BRIP1: variants seen among roughly 807,000 people sequenced by gnomAD.
BRIP1 encodes BRCA1 interacting DNA helicase 1, also known as Fanconi anemia group J protein.
A neutral mutation model predicts 119.7 loss-of-function variants in BRIP1; 88 were observed. The ratio of observed to expected loss-of-function variants is 0.74; its 90% CI spans 0.62 to 0.88. The LOEUF (loss-of-function observed/expected upper bound fraction) is 0.88, where lower values mean the gene tolerates loss of function less well. Among genes scored for constraint, BRIP1 ranks in the 40% least tolerant of loss-of-function variants. BRIP1 has a pLI of 0.00. For synonymous variants in BRIP1, 443 were observed against 496.5 expected, an observed-to-expected ratio of 0.89 and a Z score of 1.43; for missense variants, 1,259 against 1,455.4, an observed-to-expected ratio of 0.87 and a Z score of 2.20.
At position 61,846,915 on chromosome 17, in the gene BRIP1, C is replaced by G. The variant is rs368905917; in HGVS notation, c.627+186G>C. Among the ~76,000 whole-genome samples, 2 of 152,072 alleles carry G rather than the reference C, an allele frequency of 1.3e-5. No individual in the cohort carries two copies. Among genetic ancestry groups the G allele is most frequent in the Non-Finnish European group, 2.9e-5 (2 of 68,008 alleles). On this transcript the variant is annotated intron_variant, in intron 6 of 19. Transcript: ENST00000259008. The surrounding 1 kb of genome is among the most constrained non-coding windows in gnomAD (Gnocchi z 4.3). Reference sequence around the variant, plus strand: ...TTCTCTTATTTTATAAATAAGGAAACGAGGCATAGAGAGAATAGGCTTTGC... The same window carrying G: ...TTCTCTTATTTTATAAATAAGGAAAGGAGGCATAGAGAGAATAGGCTTTGC...
Position 61,810,828 on chromosome 17 carries a change from A to G in BRIP1, c.628-2071T>C, listed in dbSNP as rs2078150385. Among the ~76,000 whole-genome samples the G allele has an allele frequency of 6.6e-6, 1 of 152,166 alleles. No individual in the cohort carries two copies. The highest frequency in any genetic ancestry group is 2.1e-4 in the South Asian group (1 of 4,826). ...ATAACTTACTGACCTTCATATATAC[A>G]TATCTTTCATATCTTTTTTTCAAAT... is the stretch of plus-strand genomic sequence containing the variant. On this transcript the variant is annotated intron_variant, in intron 6 of 19. Coordinates refer to ENST00000259008, the MANE Select transcript of BRIP1 (RefSeq NM_032043.3). The surrounding 1 kb of genome is among the most constrained non-coding windows in gnomAD (Gnocchi z 4.7).
Position 61,776,687 on chromosome 17 carries a change from G to C in BRIP1, c.1936-125C>G, listed in dbSNP as rs1371945125. The C allele has an allele frequency of 1.9e-6, 2 of 1,052,836 alleles. No individual in the cohort carries two copies. The highest frequency in any genetic ancestry group is 2.9e-6 in the Non-Finnish European group (2 of 696,996). 65.2% of individuals were successfully genotyped at this position (1,052,836 alleles called of 1,614,324 possible). Reference sequence around the variant, plus strand: ...TAACAATTTATTTTTAAATTGTCAGGGGGTTTTCTATTACCTTCAATTAAC... The same window carrying C: ...TAACAATTTATTTTTAAATTGTCAGCGGGTTTTCTATTACCTTCAATTAAC... On this transcript the variant is annotated intron_variant, in intron 13 of 19. Coordinates refer to ENST00000259008, the MANE Select transcript of BRIP1 (RefSeq NM_032043.3). The surrounding 1 kb of genome is among the most constrained non-coding windows in gnomAD (Gnocchi z 5.0).
intron 6 of BRIP1, among the ~76,000 whole-genome samples, chr17:61,813,287 T>C (rs1273166784): frequency 6.6e-6 from 1 of 152,066 alleles, no homozygotes; most frequent in Admixed American, 6.6e-5. Context: ...CTTGTGTTCT[T>C]CCATAACTTT....
At chr17:61,698,986 G>A (rs1184030911) in intron 17 of BRIP1, among the ~76,000 whole-genome samples, 2 of 151,988 alleles carry the variant, frequency 1.3e-5, no homozygotes, top group African/African-American at 4.8e-5. Flanking sequence ...CAAAGTGCTG[G>A]GATTGCAGGC....
chr17:61,781,845 C>T (rs1009788774), intron 11 of BRIP1, among the ~76,000 whole-genome samples: 8 of 150,544 alleles, frequency 5.3e-5, no homozygotes, highest in African/African-American at 2.0e-4. Flanking sequence ...CACTTGAACC[C>T]GGGAGGTGGA....
chr17:61,714,969 G>C (rs1006059231), intron 17 of BRIP1, among the ~76,000 whole-genome samples: 2 of 151,750 alleles, frequency 1.3e-5, no homozygotes, highest in South Asian at 2.1e-4. Context: ...GGAAGCTGAC[G>C]TGAGTGGATC....
intron 14 of BRIP1, among the ~76,000 whole-genome samples, chr17:61,749,376 G>A (rs2077102701): frequency 6.6e-6 from 1 of 151,670 alleles, no homozygotes; most frequent in Non-Finnish European, 1.5e-5. Context: ...TCTGATAAGG[G>A]GTTAATATCC....
intron 14 of BRIP1, among the ~76,000 whole-genome samples, chr17:61,772,630 C>T (rs2077473063): frequency 6.6e-6 from 1 of 151,882 alleles, no homozygotes; most frequent in South Asian, 2.1e-4. Flanking sequence ...ACCAGCCTGA[C>T]CAACCTGGAG....
In BRIP1 at chr17:61,758,904, C is replaced by T. The variant is rs2077235741; in HGVS notation, c.2098-14313G>A. On this transcript the variant is annotated intron_variant, in intron 14 of 19. Transcript: ENST00000259008. This position sits in a 1 kb window ranked among gnomAD's most constrained non-coding sequence, Gnocchi z 5.3. ...GCACATGCCTGTAGTACCAGCTACT[C>T]AGGAGGCTGAGGTTGATCCCTTCAA... 6.6e-6 allele frequency among the ~76,000 whole-genome samples: 1 copy of T among 151,598 alleles called. No homozygotes were observed. Among genetic ancestry groups the T allele is most frequent in the African/African-American group, 2.4e-5 (1 of 41,226 alleles).
At chr17:61,784,576 G>T in intron 10 of BRIP1, 152 bp from the exon 11 acceptor site, 3 of 767,290 alleles carry the variant, frequency 3.9e-6, no homozygotes, top group Non-Finnish European at 6.4e-6. Flanking sequence ...CTCCAAATCT[G>T]ATATTGAAAT....
intron 17 of BRIP1, among the ~76,000 whole-genome samples, chr17:61,707,031 A>T (rs904053323): frequency 2.3e-4 from 34 of 148,726 alleles, no homozygotes; most frequent in African/African-American, 6.2e-4. Flanking sequence ...TCCTTTTTAA[A>T]TTTTTTTTTT....
In BRIP1 at chr17:61,770,624, G is replaced by A. The variant is rs1463287461; in HGVS notation, c.2097+5777C>T. 2.6e-5 allele frequency among the ~76,000 whole-genome samples: 4 copies of A among 151,484 alleles called. No individual in the cohort carries two copies. The highest frequency in any genetic ancestry group is 1.3e-4 in the Admixed American group (2 of 15,204). ...TTATAATAATGACACAAAGAAGGTA[G>A]GATTAAAAAAACAGCTACATAGGAT... On this transcript the variant is annotated intron_variant, in intron 14 of 19. Transcript: ENST00000259008. This position sits in a 1 kb window ranked among gnomAD's most constrained non-coding sequence, Gnocchi z 4.7.
chr17:61,728,450 C>T (rs1445717265), intron 16 of BRIP1, among the ~76,000 whole-genome samples: 1 of 152,118 alleles, frequency 6.6e-6, no homozygotes, highest in Non-Finnish European at 1.5e-5. Flanking sequence ...ATTCCAAGCC[C>T]CAATATATGA....
At position 61,743,493 on chromosome 17, in the gene BRIP1, TCTCA is replaced by T. The variant is rs1250218003; in HGVS notation, c.2258-363_2258-360del. Among the ~76,000 whole-genome samples the T allele has an allele frequency of 6.6e-6, 1 of 152,100 alleles. No individual in the cohort carries two copies. The highest frequency in any genetic ancestry group is 1.5e-5 in the Non-Finnish European group (1 of 68,012). The stretch of plus-strand genomic sequence containing the variant: ...TACCTTTACCACCTGAAAGTAAAAT[TCTCA>T]GAATAATTGAAATAATTGTAATTGA... On this transcript the variant is annotated intron_variant, in intron 15 of 19. Transcript: ENST00000259008. The surrounding 1 kb of genome is among the most constrained non-coding windows in gnomAD (Gnocchi z 4.3).
chr17:61,854,505 C>T (rs2145806317), intron 4 of BRIP1, among the ~76,000 whole-genome samples: 1 of 152,050 alleles, frequency 6.6e-6, no homozygotes, highest in South Asian at 2.1e-4. Context: ...TCAGGAGCTA[C>T]AGAGCAGCCT....
chr17:61,686,062 A>T lies in BRIP1; in HGVS notation c.2679T>A (p.Asn893Lys), dbSNP rs2144115408. The T allele has an allele frequency of 6.2e-7, 1 of 1,614,030 alleles. No individual in the cohort carries two copies. Among genetic ancestry groups the T allele is most frequent in the South Asian group, 1.1e-5 (1 of 91,076 alleles). ...EFSKKHQKVLNVSIKDRTNIQ... is the reference protein window; with the variant it reads ...EFSKKHQKVLKVSIKDRTNIQ... ...TATTGGTTCTGTCCTTTATGGATAC[A>T]TTAAGAACTTTTTGATGCTTTTTGG... is the stretch of plus-strand genomic sequence containing the variant. The change falls in exon 19 of 20, where the codon AAT becomes AAA. Residue 893 changes from asparagine (N) to lysine (K), a missense_variant. Around this residue, in one of 3 missense-constraint regions of BRIP1, gnomAD observed 753 missense variants for 891.8 expected, o/e 0.84. Coordinates refer to ENST00000259008, the MANE Select transcript of BRIP1 (RefSeq NM_032043.3). The surrounding 1 kb of genome is among the most constrained non-coding windows in gnomAD (Gnocchi z 5.4).
chr17:61,689,075 G>A lies in BRIP1; in HGVS notation c.2576-2910C>T, dbSNP rs946933895. Among the ~76,000 whole-genome samples the A allele has an allele frequency of 1.6e-4, 7 of 43,148 alleles. No homozygotes were observed. Among genetic ancestry groups the A allele is most frequent in the Admixed American group, 3.1e-4 (1 of 3,214 alleles). 28.3% of individuals were successfully genotyped at this position (43,148 alleles called of 152,430 possible). A position where few individuals can be genotyped will look rare whatever the true frequency, so the allele number is the denominator to read the frequency against. The stretch of plus-strand genomic sequence containing the variant: ...TATGTTATTTTTTTGAGACAGTCTC[G>A]CTCTGTCGCCCAGGCTGGAGTGCAG... On this transcript the variant is annotated intron_variant, in intron 18 of 19. Transcript: ENST00000259008. The surrounding 1 kb of genome is among the most constrained non-coding windows in gnomAD (Gnocchi z 4.5).
rs931796641 is a variant in BRIP1 at position 61,776,728 on chromosome 17, T to C, written c.1936-166A>G. On this transcript the variant is annotated intron_variant, in intron 13 of 19. Coordinates refer to ENST00000259008, the MANE Select transcript of BRIP1 (RefSeq NM_032043.3). The surrounding 1 kb of genome is among the most constrained non-coding windows in gnomAD (Gnocchi z 5.0). ...TTCAATTAACTGTATACAGATTTAA[T>C]TTATAAATGTTTTGCTTTAGGCAGA... 6.6e-5 allele frequency among the ~76,000 whole-genome samples: 10 copies of C among 152,246 alleles called. No homozygotes were observed. Among genetic ancestry groups the C allele is most frequent in the African/African-American group, 2.4e-4 (10 of 41,472 alleles).
At chr17:61,714,994 GT>G (rs1386165847) in intron 17 of BRIP1, among the ~76,000 whole-genome samples, 4 of 151,830 alleles carry the variant, frequency 2.6e-5, no homozygotes, top group African/African-American at 7.3e-5. Context: ...GAGGCCAGGA[GT>G]TCCAGACCAG....
Sources: allele counts gnomAD v4.1 joint callset (sites outside exome capture counted in the v4.1 genomes callset), GRCh38; gene constraint gnomAD v4.1.1; regional missense constraint gnomAD v4.1.1; non-coding constraint Gnocchi (gnomAD v3.1); transcripts MANE v1.5; gene names NCBI Gene and HGNC (gene_info 2026-07-23, HGNC 2026-07-21).